The following KCNJ6 variants were observed in gnomAD, a reference collection of about 807,000 sequenced individuals.
KCNJ6 encodes the protein potassium inwardly rectifying channel subfamily J member 6, also known as G protein-activated inward rectifier potassium channel 2.
KCNJ6 carries 9 observed loss-of-function variants against 34.2 expected under a neutral mutation model. The observed-to-expected ratio is 0.26, with a 90% CI of 0.16 to 0.46. The LOEUF is 0.46. KCNJ6 is among the 20% of genes least tolerant of loss of function. The pLI, the probability that KCNJ6 is intolerant of heterozygous loss-of-function variation, is 1.00. For missense variants in KCNJ6, 236 were observed against 531.3 expected, an observed-to-expected ratio of 0.44 and a Z score of 5.46; for synonymous variants, 196 against 207.1, an observed-to-expected ratio of 0.95 and a Z score of 0.46.
rs1403033412 is a variant in KCNJ6 at position 37,622,556 on chromosome 21, A to T, written c.*2603T>A. Reference sequence around the variant, plus strand: ...TCTTCAGGAGCATCCCCATGTAAAGATTCAGAGGCTCACATTACAAAAACG... The same window carrying T: ...TCTTCAGGAGCATCCCCATGTAAAGTTTCAGAGGCTCACATTACAAAAACG... On this transcript the variant is annotated 3_prime_UTR_variant, in exon 4 of 4. Transcript: ENST00000609713. The T allele has an allele frequency of 2.6e-5, 4 of 152,230 alleles. No individual in the cohort carries two copies. The highest frequency in any genetic ancestry group is 2.0e-4 in the Admixed American group (3 of 15,284). 9.4% of individuals were successfully genotyped at this position (152,230 alleles called of 1,614,324 possible).
chr21:37,799,996 C>G (rs1177909807), intron 2 of KCNJ6, among the ~76,000 whole-genome samples: 2 of 152,102 alleles, frequency 1.3e-5, no homozygotes, highest in East Asian at 3.8e-4. Flanking sequence ...TCTGTTAAAC[C>G]TTGGACTCCT....
At chr21:37,659,364 G>A (rs1014980787) in intron 3 of KCNJ6, among the ~76,000 whole-genome samples, 7 of 152,282 alleles carry the variant, frequency 4.6e-5, no homozygotes, top group East Asian at 1.9e-4. Context: ...GAACATCCTC[G>A]CGGACAGCAA....
intron 2 of KCNJ6, among the ~76,000 whole-genome samples, chr21:37,755,276 A>G (rs1220626807): frequency 3.3e-5 from 5 of 152,024 alleles, no homozygotes; most frequent in Non-Finnish European, 4.4e-5. Context: ...ATCTATGTTC[A>G]GTGGCAAAAT....
chr21:37,762,074 C>T (rs1055233922), intron 2 of KCNJ6, among the ~76,000 whole-genome samples: 5 of 152,160 alleles, frequency 3.3e-5, no homozygotes, highest in Admixed American at 6.5e-5. Context: ...GTTTGCTGCT[C>T]ATAAATTCCC....
In KCNJ6 at chr21:37,781,151, T is replaced by C. The variant is rs531105408; in HGVS notation, c.25+59507A>G. The stretch of plus-strand genomic sequence containing the variant: ...ATTCCCATCTCCACACCACCACCCA[T>C]CCGGCATCAGTCAAAAGGAGCTTTC... On this transcript the variant is annotated intron_variant, in intron 2 of 3. Transcript: ENST00000609713. Among the ~76,000 whole-genome samples the C allele has an allele frequency of 5.9e-5, 9 of 152,218 alleles. No individual in the cohort carries two copies. The South Asian group carries it at 1.9e-3, about 32-fold the overall frequency.
intron 1 of KCNJ6, among the ~76,000 whole-genome samples, chr21:37,884,855 A>G (rs150191597): frequency 6.6e-6 from 1 of 152,332 alleles, no homozygotes; most frequent in Non-Finnish European, 1.5e-5. Flanking sequence ...TCTCACTTCT[A>G]CAGTCAGAAT....
chr21:37,638,994 C>T (rs1297358223), intron 3 of KCNJ6, among the ~76,000 whole-genome samples: 1 of 152,218 alleles, frequency 6.6e-6, no homozygotes, highest in Non-Finnish European at 1.5e-5. Context: ...TAAGGACCAG[C>T]AATTCCTCCA....
At chr21:37,895,395 G>C (rs77371406) in intron 1 of KCNJ6, among the ~76,000 whole-genome samples, 3,040 of 152,280 alleles carry the variant, frequency 0.02, 107 homozygotes, top group African/African-American at 0.067. Context: ...TCTGCTCCTA[G>C]TGGGAGAAGT....
rs2054281813 is a variant in KCNJ6 at position 37,618,956 on chromosome 21, G to A, written c.*6203C>T. On this transcript the variant is annotated 3_prime_UTR_variant, in exon 4 of 4. Coordinates refer to ENST00000609713, the MANE Select transcript of KCNJ6 (RefSeq NM_002240.5). ...TTTATGGTGTTGAACTTTGAGATTT[G>A]TTTCCTCCCACTTAGTTGTTTCCTC... 1.3e-5 allele frequency: 2 copies of A among 152,116 alleles called. 1 individual carries two copies. The highest frequency in any genetic ancestry group is 6.3e-3 in the Middle Eastern group (2 of 316). 9.4% of individuals were successfully genotyped at this position (152,116 alleles called of 1,614,324 possible).
intron 1 of KCNJ6, among the ~76,000 whole-genome samples, chr21:37,841,629 T>C (rs577464603): frequency 1.3e-5 from 2 of 152,352 alleles, no homozygotes; most frequent in South Asian, 2.1e-4. Context: ...TTTACAGATA[T>C]GGGAATATGA....
intron 3 of KCNJ6, among the ~76,000 whole-genome samples, chr21:37,627,874 C>A (rs1237009767): frequency 6.6e-6 from 1 of 152,162 alleles, no homozygotes; most frequent in Non-Finnish European, 1.5e-5. Flanking sequence ...AGACCCTTGA[C>A]AAAGACTGGG....
chr21:37,710,063 G>GA (rs35973165), intron 3 of KCNJ6, among the ~76,000 whole-genome samples: 27,625 of 149,672 alleles, frequency 0.18, 3,005 homozygotes, highest in East Asian at 0.38. Context: ...AAACTTATTG[G>GA]AAAAAAAAAC....
At position 37,714,745 on chromosome 21, in the gene KCNJ6, C is replaced by T; in HGVS notation, c.412G>A (p.Gly138Arg). 1 of 1,614,100 alleles carries T rather than the reference C, an allele frequency of 6.2e-7. No homozygotes were observed. Among genetic ancestry groups the T allele is most frequent in the East Asian group, 2.2e-5 (1 of 44,884 alleles). Residue 138 changes from glycine to arginine, a missense_variant, in exon 3 of 4, where the codon GGG (glycine) becomes AGG (arginine). Around this residue, in one of 5 missense-constraint regions of KCNJ6, gnomAD observed 68 missense variants for 165.7 expected, o/e 0.41. Transcript: ENST00000609713. This position sits in a 1 kb window ranked among gnomAD's most constrained non-coding sequence, Gnocchi z 5.9. ...GAGAATAAAAAAGCAGAGACGAACC[C>T]GTTGAGGTTGGTAACACAAGGAGTC... ...SWTPCVTNLN[G>R]FVSAFLFSIE...
intron 3 of KCNJ6, among the ~76,000 whole-genome samples, chr21:37,693,930 T>G (rs886115612): frequency 1.7e-4 from 21 of 125,390 alleles, no homozygotes; most frequent in Non-Finnish European, 3.0e-4. Flanking sequence ...TTACCATTTT[T>G]TTTTTAAAAA....
At position 37,611,459 on chromosome 21, in the gene KCNJ6, C is replaced by T. The variant is rs1280184721; in HGVS notation, c.*13700G>A. 1 of 152,168 alleles carries T rather than the reference C, an allele frequency of 6.6e-6. No individual in the cohort carries two copies. Among genetic ancestry groups the T allele is most frequent in the Non-Finnish European group, 1.5e-5 (1 of 68,016 alleles). 9.4% of individuals were successfully genotyped at this position (152,168 alleles called of 1,614,324 possible). A position where few individuals can be genotyped will look rare whatever the true frequency, so the allele number is the denominator to read the frequency against. Reference sequence around the variant, plus strand: ...GATTATCTACAATCTCTTTCAAAAGCTAGAAGCAGAGAGAACACTTGCTAA... The same window carrying T: ...GATTATCTACAATCTCTTTCAAAAGTTAGAAGCAGAGAGAACACTTGCTAA... On this transcript the variant is annotated 3_prime_UTR_variant, in exon 4 of 4. Transcript: ENST00000609713.
intron 2 of KCNJ6, among the ~76,000 whole-genome samples, chr21:37,722,521 A>G (rs1191232511): frequency 1.3e-5 from 2 of 152,254 alleles, no homozygotes; most frequent in Non-Finnish European, 2.9e-5. Flanking sequence ...GCATCACATT[A>G]TCTGACTTCA....
In KCNJ6 at chr21:37,618,562, G is replaced by A. The variant is rs2054280605; in HGVS notation, c.*6597C>T. 1 of 152,114 alleles carries A rather than the reference G, an allele frequency of 6.6e-6. No individual in the cohort carries two copies. Among genetic ancestry groups the A allele is most frequent in the Non-Finnish European group, 1.5e-5 (1 of 68,012 alleles). 9.4% of individuals were successfully genotyped at this position (152,114 alleles called of 1,614,324 possible). A position where few individuals can be genotyped will look rare whatever the true frequency, so the allele number is the denominator to read the frequency against. ...ATTGATGATCGGTGTTAAAACAATG[G>A]GCACTGAGCCTTAATCTTGAAATGG... On this transcript the variant is annotated 3_prime_UTR_variant, in exon 4 of 4. Coordinates refer to ENST00000609713, the MANE Select transcript of KCNJ6 (RefSeq NM_002240.5).
At chr21:37,812,786 T>A (rs564085485) in intron 2 of KCNJ6, among the ~76,000 whole-genome samples, 7 of 152,280 alleles carry the variant, frequency 4.6e-5, no homozygotes, top group African/African-American at 1.7e-4. Context: ...AAGCCATATA[T>A]AATAAAACCA....
Position 37,714,596 on chromosome 21 carries a change from T to A in KCNJ6, c.561A>T (p.Gly187=), listed in dbSNP as rs545127360. The A allele has an allele frequency of 8.1e-6, 13 of 1,614,036 alleles. No homozygotes were observed. In the East Asian group the frequency reaches 2.7e-4, roughly 33 times the overall value. ...GTTGAGAGATTTTTACAAACATGCATCCCACCATGAATGCATTGACAATGG... is the reference window on the plus strand; with the variant it reads ...GTTGAGAGATTTTTACAAACATGCAACCCACCATGAATGCATTGACAATGG... ...LGSIVNAFMV[G]CMFVKISQPK... The change falls in exon 3 of 4, where the codon GGA becomes GGT. Residue 187 remains glycine, a synonymous_variant. Transcript: ENST00000609713. This position sits in a 1 kb window ranked among gnomAD's most constrained non-coding sequence, Gnocchi z 5.9.
Sources: allele counts gnomAD v4.1 joint callset (sites outside exome capture counted in the v4.1 genomes callset), GRCh38; gene constraint gnomAD v4.1.1; regional missense constraint gnomAD v4.1.1; non-coding constraint Gnocchi (gnomAD v3.1); transcripts MANE v1.5; gene names NCBI Gene and HGNC (gene_info 2026-07-23, HGNC 2026-07-21).